The following TNPO1 variants were observed in gnomAD, a reference collection of about 807,000 sequenced individuals.
TNPO1 encodes the protein transportin-1.
TNPO1 carries 8 observed loss-of-function variants against 119.5 expected under a neutral mutation model. That is an observed-to-expected ratio of 0.07 (90% CI 0.04 to 0.12). The LOEUF (loss-of-function observed/expected upper bound fraction) is 0.12. Among genes scored for constraint, TNPO1 ranks in the 10% least tolerant of loss-of-function variants. The pLI, the probability that TNPO1 is intolerant of heterozygous loss-of-function variation, is 1.00. For missense variants in TNPO1, 576 were observed against 1,089.8 expected (o/e 0.53, Z 6.64); for synonymous variants, 362 against 363.0 (o/e 1.00, Z 0.03).
At chr5:72,872,750 C>T in intron 7 of TNPO1, 30 bp downstream of exon 7, 2 of 1,511,608 alleles carry the variant, frequency 1.3e-6, no homozygotes, top group Non-Finnish European at 1.8e-6. Flanking sequence ...CCCTCCCAAC[C>T]CCCCAGCTTT....
chr5:72,822,889 G>A (rs527829695), intron 1 of TNPO1, among the ~76,000 whole-genome samples: 51 of 145,568 alleles, frequency 3.5e-4, no homozygotes, highest in Non-Finnish European at 5.4e-4. Context: ...CACTGCGCCC[G>A]GCCTGGCCTG....
At chr5:72,875,148 A>G (rs1747668601) in intron 7 of TNPO1, among the ~76,000 whole-genome samples, 1 of 152,222 alleles carries the variant, frequency 6.6e-6, no homozygotes, top group South Asian at 2.1e-4. Context: ...CATAATATTT[A>G]TTACTAATTT....
chr5:72,886,992 A>G, intron 11 of TNPO1, 78 bp from the exon 12 acceptor site: 1 of 1,292,788 alleles, frequency 7.7e-7, no homozygotes, highest in African/African-American at 1.5e-5. Flanking sequence ...AGATACGAAT[A>G]AAATGTTACA....
At chr5:72,868,601 A>G (rs1747135454) in intron 6 of TNPO1, among the ~76,000 whole-genome samples, 1 of 152,060 alleles carries the variant, frequency 6.6e-6, no homozygotes, top group South Asian at 2.1e-4. Context: ...CACCTCTGTT[A>G]TATGCTTAGT....
intron 9 of TNPO1, chr5:72,879,296 TAAACCTATGCTATAAC>T (rs1426923099): frequency 1.3e-5 from 2 of 158,508 alleles, no homozygotes; most frequent in Admixed American, 6.4e-5. Flanking sequence ...GGCTATAACA[TAAACCTATGCTATAAC>T]AAACCTATGC....
Position 72,905,295 on chromosome 5 carries a change from T to C in TNPO1, c.2590-8T>C, listed in dbSNP as rs1451325998. On this transcript the variant is annotated splice_polypyrimidine_tract_variant and splice_region_variant and intron_variant, in intron 23 of 24. Transcript: ENST00000337273. ...TATTGATAAATTAATGGTTTTTCAC[T>C]CTTACAGATCCTTCATGGATTTAAA... The C allele has an allele frequency of 3.1e-6, 5 of 1,599,346 alleles. No homozygotes were observed. In the Admixed American group the frequency reaches 6.9e-5, roughly 22 times the overall value.
chr5:72,882,060 G>A (rs1748282316), intron 9 of TNPO1, among the ~76,000 whole-genome samples: 1 of 152,160 alleles, frequency 6.6e-6, no homozygotes, highest in East Asian at 1.9e-4. Flanking sequence ...AAGATCATCA[G>A]TGATTAACTG....
chr5:72,825,401 C>A (rs1441893837), intron 1 of TNPO1, among the ~76,000 whole-genome samples: 5 of 152,048 alleles, frequency 3.3e-5, no homozygotes. Flanking sequence ...TTAAAAAGTC[C>A]TAGAGGCCAG....
chr5:72,911,542 A>G lies in TNPO1; in HGVS notation c.*2869A>G, dbSNP rs1750563747. The G allele has an allele frequency of 6.6e-6, 1 of 152,536 alleles. No homozygotes were observed. The highest frequency in any genetic ancestry group is 2.1e-4 in the South Asian group (1 of 4,834). The allele number at this position is 152,536 out of a possible 1,614,324, so 9.4% of individuals were successfully genotyped here. On this transcript the variant is annotated 3_prime_UTR_variant, in exon 25 of 25. Transcript: ENST00000337273. ...AAGCTCTGATTTAGCATTTATTCTG[A>G]TAAAATCTAATACATCATGGGATAT...
intron 4 of TNPO1, among the ~76,000 whole-genome samples, chr5:72,857,379 C>A (rs1746086310): frequency 1.3e-5 from 2 of 151,886 alleles, no homozygotes; most frequent in African/African-American, 4.8e-5. Context: ...CTCTTACTTA[C>A]AAAGCATTGG....
rs1484721296 is a variant in TNPO1 at position 72,896,432 on chromosome 5, C to T, written c.2144-26C>T. The T allele has an allele frequency of 4.5e-6, 7 of 1,554,688 alleles. No homozygotes were observed. In the South Asian group the frequency reaches 7.8e-5, roughly 17 times the overall value. On this transcript the variant is annotated intron_variant, in intron 18 of 24. Coordinates refer to ENST00000337273, the MANE Select transcript of TNPO1 (RefSeq NM_002270.4). ...CAATATACTGCTATTGAAAAGTTTA[C>T]TACATAGTTTAAATTTTTTTTCTAG...
At chr5:72,900,213 T>C (rs1054017929) in intron 21 of TNPO1, 132 bp downstream of exon 21, 1 of 736,708 alleles carries the variant, frequency 1.4e-6, no homozygotes. Flanking sequence ...GTGACTAATC[T>C]TGTCCTATCA....
At chr5:72,846,707 C>T (rs1745145348) in intron 1 of TNPO1, among the ~76,000 whole-genome samples, 1 of 152,120 alleles carries the variant, frequency 6.6e-6, no homozygotes, top group Admixed American at 6.5e-5. Flanking sequence ...CCTCTTCATA[C>T]TCAGCGATCT....
intron 1 of TNPO1, among the ~76,000 whole-genome samples, chr5:72,832,386 A>G (rs1744512599): frequency 1.3e-5 from 2 of 152,086 alleles, no homozygotes; most frequent in Admixed American, 1.3e-4. Flanking sequence ...ATTTTCTTTC[A>G]TGTGCTACTA....
intron 9 of TNPO1, 24 bp downstream of exon 9, chr5:72,877,370 C>T (rs1196916314): frequency 8.8e-7 from 1 of 1,131,314 alleles, no homozygotes; most frequent in East Asian, 2.5e-5. Context: ...CTTATAAATG[C>T]TGCCTTGTTC....
At chr5:72,880,401 A>G (rs896688874) in intron 9 of TNPO1, among the ~76,000 whole-genome samples, 1 of 152,110 alleles carries the variant, frequency 6.6e-6, no homozygotes, top group African/African-American at 2.4e-5. Flanking sequence ...TTGTACATTA[A>G]TGTCTTATAG....
At chr5:72,893,280 A>G (rs376092136) in intron 16 of TNPO1, 34 bp downstream of exon 16, 1 of 1,606,002 alleles carries the variant, frequency 6.2e-7, no homozygotes, top group Non-Finnish European at 8.5e-7. Flanking sequence ...TCTTCTTGAC[A>G]TGGTGGACAT....
At chr5:72,845,697 A>C (rs1440824750) in intron 1 of TNPO1, among the ~76,000 whole-genome samples, 1 of 152,216 alleles carries the variant, frequency 6.6e-6, no homozygotes, top group Non-Finnish European at 1.5e-5. Flanking sequence ...TGATCAAATT[A>C]AATGTCCTTA....
intron 3 of TNPO1, among the ~76,000 whole-genome samples, chr5:72,854,385 C>T (rs1745821188): frequency 6.6e-6 from 1 of 152,180 alleles, no homozygotes; most frequent in African/African-American, 2.4e-5. Context: ...TTGCTTCACT[C>T]TTGAAGATTT....
Sources: allele counts gnomAD v4.1 joint callset (sites outside exome capture counted in the v4.1 genomes callset), GRCh38; gene constraint gnomAD v4.1.1; transcripts MANE v1.5; gene names NCBI Gene and HGNC (gene_info 2026-07-23, HGNC 2026-07-21).